NDST3: variants seen among roughly 807,000 people sequenced by gnomAD.
NDST3 encodes the protein N-deacetylase and N-sulfotransferase 3.
A neutral mutation model predicts 96.1 loss-of-function variants in NDST3; 58 were observed. That is an observed-to-expected ratio of 0.60 (90% CI 0.49 to 0.75). The LOEUF (loss-of-function observed/expected upper bound fraction) is 0.75. NDST3 is among the 30% of genes least tolerant of loss of function. The pLI, the probability that NDST3 is intolerant of heterozygous loss-of-function variation, is 0.00. For synonymous variants in NDST3, 333 were observed against 359.7 expected, an observed-to-expected ratio of 0.93 and a Z score of 0.84; for missense variants, 788 against 1,034.2, an observed-to-expected ratio of 0.76 and a Z score of 3.27.
At chr4:118,185,456 CATTT>C (rs1456471473) in intron 6 of NDST3, among the ~76,000 whole-genome samples, 2 of 149,528 alleles carry the variant, frequency 1.3e-5, no homozygotes, top group African/African-American at 4.9e-5. Flanking sequence ...GTATATTATA[CATTT>C]ATTATAAATT....
chr4:118,123,526 C>A (rs1021835456), intron 4 of NDST3, among the ~76,000 whole-genome samples: 2 of 152,118 alleles, frequency 1.3e-5, no homozygotes, highest in Non-Finnish European at 2.9e-5. Flanking sequence ...TTTGCTACAG[C>A]ATAAAAAGTA....
chr4:118,143,274 G>C (rs1034650945), intron 5 of NDST3, among the ~76,000 whole-genome samples: 1 of 151,398 alleles, frequency 6.6e-6, no homozygotes, highest in East Asian at 1.9e-4. Context: ...GAACCTACTA[G>C]GCTTCATAAA....
At chr4:118,081,452 T>C (rs1348324793) in intron 2 of NDST3, among the ~76,000 whole-genome samples, 3 of 152,176 alleles carry the variant, frequency 2.0e-5, no homozygotes, top group Non-Finnish European at 4.4e-5. Context: ...GATACAAAAG[T>C]ACATTGCAGT....
chr4:118,080,851 A>G (rs1162929452), intron 2 of NDST3, among the ~76,000 whole-genome samples: 4 of 152,238 alleles, frequency 2.6e-5, no homozygotes, highest in Admixed American at 2.0e-4. Context: ...GGAAGAAGAT[A>G]AACTGAACTC....
In NDST3 at chr4:118,256,154, CA is replaced by C. The variant is rs1253162774; in HGVS notation, c.*443del. 6.6e-6 allele frequency: 1 copy of C among 152,172 alleles called. No individual in the cohort carries two copies. The highest frequency in any genetic ancestry group is 1.5e-5 in the Non-Finnish European group (1 of 68,098). The allele number at this position is 152,172 out of a possible 1,614,324, so 9.4% of individuals were successfully genotyped here. On this transcript the variant is annotated 3_prime_UTR_variant, in exon 14 of 14. Coordinates refer to ENST00000296499, the MANE Select transcript of NDST3 (RefSeq NM_004784.3). Reference sequence around the variant, plus strand: ...CCTATGAAACAAGAAGCAAAATAAACATCACAATGTAGCATAAAATGTCAAA... The same window carrying C: ...CCTATGAAACAAGAAGCAAAATAAACTCACAATGTAGCATAAAATGTCAAA...
intron 6 of NDST3, among the ~76,000 whole-genome samples, chr4:118,192,155 G>A (rs1737347390): frequency 1.3e-5 from 2 of 152,268 alleles, no homozygotes; most frequent in South Asian, 4.1e-4. Flanking sequence ...CTACAGTGCT[G>A]TTTGAGCTAC....
chr4:118,224,883 TG>T (rs1298454440), intron 7 of NDST3, among the ~76,000 whole-genome samples: 11 of 152,164 alleles, frequency 7.2e-5, no homozygotes, highest in Non-Finnish European at 1.5e-4. Context: ...TTGGAAATTA[TG>T]GGATTCGGAA....
At chr4:118,083,331 G>A (rs958952363) in intron 2 of NDST3, among the ~76,000 whole-genome samples, 6 of 151,934 alleles carry the variant, frequency 3.9e-5, no homozygotes, top group Non-Finnish European at 8.8e-5. Flanking sequence ...GTACTTAATC[G>A]ATGTGTAACT....
At chr4:118,094,915 T>C (rs1382063131) in intron 2 of NDST3, among the ~76,000 whole-genome samples, 5 of 151,838 alleles carry the variant, frequency 3.3e-5, no homozygotes, top group African/African-American at 1.2e-4. Flanking sequence ...GAGCATTTAT[T>C]TAAAAGAGGG....
chr4:118,139,922 C>T (rs770016975), intron 5 of NDST3, among the ~76,000 whole-genome samples: 3 of 152,150 alleles, frequency 2.0e-5, no homozygotes, highest in African/African-American at 7.2e-5. Flanking sequence ...TATCTATTTA[C>T]AGGTTCCATC....
In NDST3 at chr4:118,066,256, TTATATATATTATATATATTATATATTA is replaced by T. The variant is rs1726395910; in HGVS notation, c.981+11373_981+11399del. ...TATTATATATTATATATATTATATA[TTATATATATTATATATATTATATATTA>T]TATATATTATATATATTATGTATTA... On this transcript the variant is annotated intron_variant, in intron 2 of 13. Transcript: ENST00000296499. Among the ~76,000 whole-genome samples the T allele has an allele frequency of 4.0e-4, 4 of 10,124 alleles. 2 individuals are homozygous for T. Among genetic ancestry groups the T allele is most frequent in the Non-Finnish European group, 1.9e-3 (4 of 2,126 alleles). 6.6% of individuals were successfully genotyped at this position (10,124 alleles called of 152,430 possible). A position where few individuals can be genotyped will look rare whatever the true frequency, so the allele number is the denominator to read the frequency against.
intron 12 of NDST3, among the ~76,000 whole-genome samples, chr4:118,243,923 C>G (rs970032916): frequency 6.6e-6 from 1 of 152,102 alleles, no homozygotes; most frequent in East Asian, 1.9e-4. Flanking sequence ...ATACAAAGAA[C>G]CGTAGTCCGT....
At chr4:118,240,136 G>A (rs904182898) in intron 10 of NDST3, among the ~76,000 whole-genome samples, 1 of 151,492 alleles carries the variant, frequency 6.6e-6, no homozygotes, top group Non-Finnish European at 1.5e-5. Context: ...AGGTAGTAGG[G>A]TGCTTCTCTA....
chr4:118,224,734 A>G, intron 7 of NDST3, 61 bp downstream of exon 7: 1 of 1,408,308 alleles, frequency 7.1e-7, no homozygotes, highest in South Asian at 1.7e-5. Context: ...TCTGTGAGAT[A>G]TCCCAAATTT....
At chr4:118,194,054 A>G in intron 6 of NDST3, 1 of 1,445,238 alleles carries the variant, frequency 6.9e-7, no homozygotes, top group Non-Finnish European at 9.6e-7. Flanking sequence ...TTCATATTTC[A>G]GCTAGGCATT....
chr4:118,107,212 CTG>C (rs1184052714), intron 3 of NDST3, among the ~76,000 whole-genome samples: 1 of 152,142 alleles, frequency 6.6e-6, no homozygotes, highest in African/African-American at 2.4e-5. Flanking sequence ...GGCCATGTAA[CTG>C]TGGACTCTCA....
At chr4:118,151,501 A>G (rs1248425297) in intron 6 of NDST3, among the ~76,000 whole-genome samples, 1 of 152,212 alleles carries the variant, frequency 6.6e-6, no homozygotes, top group Non-Finnish European at 1.5e-5. Context: ...CTTGAATTTT[A>G]GAAATCAAAC....
At chr4:118,148,473 G>C (rs1734124559) in intron 6 of NDST3, among the ~76,000 whole-genome samples, 1 of 152,066 alleles carries the variant, frequency 6.6e-6, no homozygotes, top group South Asian at 2.1e-4. Flanking sequence ...TTCTCAATTT[G>C]ATATAGCATA....
intron 9 of NDST3, among the ~76,000 whole-genome samples, chr4:118,234,656 G>T (rs1302964228): frequency 6.6e-6 from 1 of 151,604 alleles, no homozygotes; most frequent in African/African-American, 2.4e-5. Context: ...AAAAATTATT[G>T]CAACAGTTAT....
Sources: gnomAD v4.1 joint callset for allele counts (sites outside exome capture counted in the v4.1 genomes callset) on GRCh38, gnomAD v4.1.1 for gene constraint, MANE v1.5 for transcripts, NCBI Gene and HGNC (gene_info 2026-07-23, HGNC 2026-07-21) for gene names.